The following DRC9 variants were observed in gnomAD, a reference collection of about 807,000 sequenced individuals.
The protein encoded by DRC9 is dynein regulatory complex protein 9.
the DRC9 span, chr3:197,954,154 A>G: frequency 2.5e-6 from 4 of 1,614,070 alleles, no homozygotes; most frequent in Admixed American, 1.7e-5. Flanking sequence ...AGTGGTGAGT[A>G]TGGTTTTTAG....
At chr3:197,928,072 G>A in the DRC9 span, among the ~76,000 whole-genome samples, 4 of 152,178 alleles carry the variant, frequency 2.6e-5, no homozygotes, top group East Asian at 3.9e-4. Context: ...AAACCTGCAC[G>A]TTTTGCACAC....
the DRC9 span, chr3:197,952,514 GAC>G: frequency 6.6e-6 from 1 of 151,276 alleles, no homozygotes; most frequent in Non-Finnish European, 1.5e-5. Context: ...TCTTTTTTGA[GAC>G]AGAGTTTTGC....
At chr3:197,916,430 T>A in the DRC9 span, 5 of 152,056 alleles carry the variant, frequency 3.3e-5, no homozygotes, top group East Asian at 1.9e-4. Flanking sequence ...TACAGGTGCA[T>A]GACATCACAC....
the DRC9 span, among the ~76,000 whole-genome samples, chr3:197,948,341 G>A: frequency 4.6e-5 from 7 of 152,258 alleles, no homozygotes; most frequent in East Asian, 1.9e-4. Flanking sequence ...TCGCTGACTC[G>A]TCAGGCCAGA....
At chr3:197,924,252 G>A in the DRC9 span, among the ~76,000 whole-genome samples, 13 of 150,344 alleles carry the variant, frequency 8.6e-5, no homozygotes, top group African/African-American at 2.7e-4. Flanking sequence ...CCAGCTACTC[G>A]GGAGGCTGAG....
the DRC9 span, among the ~76,000 whole-genome samples, chr3:197,911,128 AAATT>A: frequency 1.3e-5 from 2 of 152,206 alleles, no homozygotes; most frequent in Non-Finnish European, 2.9e-5. Context: ...AAGAAGAAAT[AAATT>A]GAGTAAACAT....
chr3:197,889,612 C>G, the DRC9 span: 1 of 1,614,078 alleles, frequency 6.2e-7, no homozygotes, highest in Non-Finnish European at 8.5e-7. Context: ...TTATCCTTGC[C>G]TTTACCTTTG....
At chr3:197,946,166 G>T in the DRC9 span, among the ~76,000 whole-genome samples, 5,719 of 151,944 alleles carry the variant, frequency 0.038, 333 homozygotes, top group African/African-American at 0.13. Flanking sequence ...CCGGGCGCGG[G>T]GGCTCACGCC....
At chr3:197,951,329 G>A in the DRC9 span, 79 of 1,613,552 alleles carry the variant, frequency 4.9e-5, no homozygotes, top group Non-Finnish European at 6.5e-5. Context: ...TATGACACTG[G>A]TAGGTTTTGG....
chr3:197,912,733 G>A, the DRC9 span: 4 of 1,613,938 alleles, frequency 2.5e-6, no homozygotes, highest in Non-Finnish European at 3.4e-6. Flanking sequence ...CTCTTCTTCG[G>A]TTTTCATCCT....
the DRC9 span, chr3:197,957,253 C>T: frequency 1.3e-5 from 2 of 152,162 alleles, no homozygotes; most frequent in Non-Finnish European, 2.9e-5. Flanking sequence ...TGCTAACCTA[C>T]AAAGAGGGTA....
At chr3:197,930,491 A>G in the DRC9 span, among the ~76,000 whole-genome samples, 1 of 152,140 alleles carries the variant, frequency 6.6e-6, no homozygotes, top group African/African-American at 2.4e-5. Flanking sequence ...GCATGATCCC[A>G]GCACTTTGGG....
the DRC9 span, among the ~76,000 whole-genome samples, chr3:197,927,574 T>A: frequency 6.6e-6 from 1 of 152,214 alleles, no homozygotes; most frequent in Non-Finnish European, 1.5e-5. Context: ...CTTGAGATTG[T>A]CATTGCCAAA....
At chr3:197,958,902 C>T in the DRC9 span, 1 of 152,328 alleles carries the variant, frequency 6.6e-6, no homozygotes, top group African/African-American at 2.4e-5. Context: ...GTCCACTACA[C>T]CATTGAAACA....
the DRC9 span, among the ~76,000 whole-genome samples, chr3:197,922,962 T>C: frequency 6.6e-6 from 1 of 152,106 alleles, no homozygotes; most frequent in Non-Finnish European, 1.5e-5. Flanking sequence ...AGAAGAAAAG[T>C]AGTTTTTAAA....
At chr3:197,892,866 G>C in the DRC9 span, 1 of 1,404,870 alleles carries the variant, frequency 7.1e-7, no homozygotes, top group South Asian at 1.3e-5. Context: ...ATTCCATAGT[G>C]AGAGAAGGCA....
chr3:197,924,721 T>C, the DRC9 span, among the ~76,000 whole-genome samples: 1 of 152,182 alleles, frequency 6.6e-6, no homozygotes, highest in Non-Finnish European at 1.5e-5. Flanking sequence ...GGTTTCAGCA[T>C]GTTGGCCAGG....
the DRC9 span, among the ~76,000 whole-genome samples, chr3:197,939,919 T>TTA: frequency 6.6e-6 from 1 of 152,130 alleles, no homozygotes; most frequent in South Asian, 2.1e-4. Context: ...ATGGCCTGAT[T>TTA]TACTGATTAC....
chr3:197,917,737 T>C, the DRC9 span, among the ~76,000 whole-genome samples: 6 of 107,686 alleles, frequency 5.6e-5, no homozygotes, highest in African/African-American at 3.5e-4. Context: ...CTCTTTTCTC[T>C]TTTTTTTTTT....
Sources: allele counts gnomAD v4.1 joint callset (sites outside exome capture counted in the v4.1 genomes callset), GRCh38; gene constraint gnomAD v4.1.1; transcripts MANE v1.5; gene names NCBI Gene and HGNC (gene_info 2026-07-23, HGNC 2026-07-21).